DMD: variants seen among roughly 807,000 people sequenced by gnomAD.
The protein encoded by DMD is mutant dystrophin.
In DMD, 63 loss-of-function variants were observed where a neutral mutation model predicts 330.1. The observed-to-expected ratio is 0.19, with a 90% CI of 0.16 to 0.24. The LOEUF (loss-of-function observed/expected upper bound fraction) is 0.24. Among genes scored for constraint, DMD ranks in the 10% least tolerant of loss-of-function variants. The probability of loss-of-function intolerance (pLI) is 1.00; values close to 1 mark genes in which losing one functional copy is unlikely to be tolerated. For missense variants in DMD, 3,344 were observed against 2,684.1 expected (o/e 1.25, Z -5.43); for synonymous variants, 1,223 against 959.8 (o/e 1.27, Z -5.07).
intron 51 of DMD, among the ~76,000 whole-genome samples, chrX:31,732,888 T>C (rs1024353683): frequency 1.8e-5 from 2 of 111,772 alleles, no homozygotes; most frequent in Non-Finnish European, 3.8e-5. Flanking sequence ...ATCCCAGATA[T>C]TTGTGACACA....
intron 1 of DMD, among the ~76,000 whole-genome samples, chrX:33,270,313 T>A (rs1253811870): frequency 9.3e-6 from 1 of 107,721 alleles, no homozygotes; most frequent in Non-Finnish European, 1.9e-5. Flanking sequence ...AAGGCTGAGT[T>A]TATCCTAAAG....
chrX:33,066,572 T>A (rs1246044075), intron 1 of DMD, among the ~76,000 whole-genome samples: 1 of 108,455 alleles, frequency 9.2e-6, no homozygotes, highest in Admixed American at 1.0e-4. Context: ...GTACCAGCAA[T>A]GTGGGGTAGG....
intron 55 of DMD, among the ~76,000 whole-genome samples, chrX:31,576,272 C>A (rs2076092909): frequency 9.0e-6 from 1 of 111,495 alleles, no homozygotes; most frequent in African/African-American, 3.3e-5. Context: ...AATCCTAAGT[C>A]TTATGGTAGG....
At chrX:33,147,494 T>C (rs1013539011) in intron 1 of DMD, among the ~76,000 whole-genome samples, 4 of 112,335 alleles carry the variant, frequency 3.6e-5, no homozygotes, top group African/African-American at 1.3e-4. Context: ...CTAGTAAATA[T>C]TAAAGCAAAT....
chrX:32,401,912 A>T (rs897572224), intron 30 of DMD, among the ~76,000 whole-genome samples: 1 of 112,451 alleles, frequency 8.9e-6, no homozygotes, highest in East Asian at 2.8e-4. Context: ...AAAATAGATA[A>T]ATGAGTAAAT....
At chrX:33,064,568 A>T (rs758824619) in intron 1 of DMD, among the ~76,000 whole-genome samples, 1 of 112,482 alleles carries the variant, frequency 8.9e-6, no homozygotes, top group East Asian at 2.8e-4. Flanking sequence ...CACTTAAATG[A>T]TATTCATTAT....
intron 17 of DMD, 46 bp from the exon 18 acceptor site, chrX:32,518,177 T>C (rs746813412): frequency 4.1e-5 from 47 of 1,152,751 alleles, no homozygotes; most frequent in Non-Finnish European, 5.3e-5. Context: ...ATTATCTCTT[T>C]CTTCTATATT....
At chrX:32,501,670 G>C (rs930580779) in intron 19 of DMD, 85 bp downstream of exon 19, 1 of 683,559 alleles carries the variant, frequency 1.5e-6, no homozygotes, top group Non-Finnish European at 2.3e-6. Flanking sequence ...ACAAGTGCTT[G>C]TCTGATATAA....
intron 30 of DMD, 86 bp downstream of exon 30, chrX:32,411,666 G>C (rs2098142501): frequency 9.3e-7 from 1 of 1,078,570 alleles, no homozygotes; most frequent in Admixed American, 2.3e-5. Flanking sequence ...AAAACTAGTT[G>C]AATAAATTTA....
rs1454430183 is a variant in DMD, at chrX:31,896,922, TTTTTC to T, written c.6913-21554_6913-21550del. On this transcript the variant is annotated intron_variant, in intron 47 of 78. Transcript: ENST00000357033. ...ACAATTTCTTTGCTTTTTTCTTTTT[TTTTTC>T]TTTTATTATTGTACTTTAAGTTTTA... Among the ~76,000 whole-genome samples the T allele has an allele frequency of 3.6e-5, 4 of 111,639 alleles. No homozygotes were observed. In the East Asian group the frequency reaches 8.5e-4, roughly 24 times the overall value.
At chrX:32,552,437 G>C (rs890016109) in intron 16 of DMD, among the ~76,000 whole-genome samples, 15 of 111,841 alleles carry the variant, frequency 1.3e-4, no homozygotes, top group African/African-American at 4.5e-4. Context: ...GTGGATTAAA[G>C]ACTTAAATCT....
At chrX:33,267,540 C>A (rs1044634449) in intron 1 of DMD, among the ~76,000 whole-genome samples, 1 of 110,283 alleles carries the variant, frequency 9.1e-6, no homozygotes, top group Non-Finnish European at 1.9e-5. Context: ...AATAAAAGAG[C>A]GCATATAGCC....
rs140676732 is a variant in DMD at position 32,990,798 on chromosome X, A to G, written c.93+29341T>C. Among the ~76,000 whole-genome samples, 1,042 of 111,665 alleles carry G rather than the reference A, an allele frequency of 9.3e-3. 11 individuals are homozygous for G. The highest frequency in any genetic ancestry group is 0.031 in the African/African-American group (954 of 30,747). On this transcript the variant is annotated intron_variant, in intron 2 of 78. Coordinates refer to ENST00000357033, the MANE Select transcript of DMD (RefSeq NM_004006.3). Reference sequence around the variant, plus strand: ...TGCTGCCCCAGTTTGAAAGCGTACCAAAAAGTATTCACACAAGGTTTGTGT... The same window carrying G: ...TGCTGCCCCAGTTTGAAAGCGTACCGAAAAGTATTCACACAAGGTTTGTGT...
chrX:32,323,320 C>A (rs2097630587), intron 41 of DMD, among the ~76,000 whole-genome samples: 1 of 110,717 alleles, frequency 9.0e-6, no homozygotes, highest in Non-Finnish European at 1.9e-5. Context: ...CCCACAGACA[C>A]TGAAGGATGA....
intron 45 of DMD, among the ~76,000 whole-genome samples, chrX:31,938,881 C>T (rs774535289): frequency 1.8e-5 from 2 of 111,521 alleles, no homozygotes; most frequent in East Asian, 5.6e-4. Flanking sequence ...TGTCATACAA[C>T]CAAAGTCAAT....
chrX:31,803,676 TTCTCTCTCTC>T (rs747729240), intron 50 of DMD, among the ~76,000 whole-genome samples: 4 of 87,757 alleles, frequency 4.6e-5, no homozygotes, highest in Non-Finnish European at 8.9e-5. Context: ...CTTTCTCTGT[TTCTCTCTCTC>T]TCTCTCTCTC....
intron 33 of DMD, among the ~76,000 whole-genome samples, chrX:32,381,741 C>A (rs914921656): frequency 9.0e-6 from 1 of 111,152 alleles, no homozygotes; most frequent in African/African-American, 3.3e-5. Flanking sequence ...AGAGTTTATA[C>A]TCTTACAAGT....
At chrX:32,225,101 T>G (rs1671396084) in intron 43 of DMD, among the ~76,000 whole-genome samples, 1 of 112,124 alleles carries the variant, frequency 8.9e-6, no homozygotes, top group South Asian at 3.7e-4. Context: ...ATGTCTTGTA[T>G]GGACACTGCC....
intron 44 of DMD, among the ~76,000 whole-genome samples, chrX:32,068,373 C>CTTTTTTTTTTTTTT (rs1569539146): frequency 1.7e-5 from 1 of 60,508 alleles, no homozygotes; most frequent in African/African-American, 7.6e-5. Flanking sequence ...CCTTGCTTGT[C>CTTTTTTTTTTTTTT]ATTTTTTTTT....
Sources: gnomAD v4.1 joint callset for allele counts (sites outside exome capture counted in the v4.1 genomes callset) on GRCh38, gnomAD v4.1.1 for gene constraint, MANE v1.5 for transcripts, NCBI Gene and HGNC (gene_info 2026-07-23, HGNC 2026-07-21) for gene names.